The following RFT1 variants were observed in gnomAD, a reference collection of about 807,000 sequenced individuals.
RFT1 encodes the protein RFT1 glycolipid translocator homolog.
RFT1 carries 43 observed loss-of-function variants against 62.2 expected under a neutral mutation model. The observed-to-expected ratio is 0.69, with a 90% CI of 0.54 to 0.89. The LOEUF (loss-of-function observed/expected upper bound fraction) is 0.89. Among genes scored for constraint, RFT1 ranks in the 40% least tolerant of loss-of-function variants. RFT1 has a pLI of 0.00. For synonymous variants in RFT1, 262 were observed against 264.6 expected, an observed-to-expected ratio of 0.99 and a Z score of 0.10; for missense variants, 605 against 649.9, an observed-to-expected ratio of 0.93 and a Z score of 0.75.
intron 7 of RFT1, 141 bp from the exon 8 acceptor site, chr3:53,107,010 C>T: frequency 5.9e-6 from 4 of 676,100 alleles, no homozygotes; most frequent in Non-Finnish European, 1.1e-5. Context: ...TGTCCTTGTC[C>T]TAATGTTGAT....
chr3:53,090,591 C>A lies in RFT1; in HGVS notation c.*1312G>T, dbSNP rs776509712. 1 of 152,092 alleles carries A rather than the reference C, an allele frequency of 6.6e-6. No homozygotes were observed. The highest frequency in any genetic ancestry group is 1.5e-5 in the Non-Finnish European group (1 of 68,032). The allele number at this position is 152,092 out of a possible 1,614,324, so 9.4% of individuals were successfully genotyped here. A position where few individuals can be genotyped will look rare whatever the true frequency, so the allele number is the denominator to read the frequency against. On this transcript the variant is annotated 3_prime_UTR_variant, in exon 13 of 13. Coordinates refer to ENST00000296292, the MANE Select transcript of RFT1 (RefSeq NM_052859.4). The stretch of plus-strand genomic sequence containing the variant: ...TTAGCCCCTGGGTACTGGCTCTGGG[C>A]AAGCAGATTTAAATACATGCATTTT...
rs76201348 is a variant in RFT1, at chr3:53,127,518, G to A, written c.64-1524C>T. On this transcript the variant is annotated intron_variant, in intron 1 of 12. Transcript: ENST00000296292. ...AGATCGAGACCATCCTGCCTCACAC[G>A]GTGAAACCCCGCCTCTCCTAAAAAT... 1.4e-4 allele frequency among the ~76,000 whole-genome samples: 21 copies of A among 152,174 alleles called. No individual in the cohort carries two copies. The East Asian group carries it at 2.1e-3, about 15-fold the overall frequency.
At chr3:53,073,062 A>C in the RFT1 span, among the ~76,000 whole-genome samples, 1 of 152,192 alleles carries the variant, frequency 6.6e-6, no homozygotes, top group Admixed American at 6.5e-5. Context: ...GTGAGCCCCC[A>C]GCCCGTGGGG....
Position 53,092,624 on chromosome 3 carries a change from G to A in RFT1, c.1209-6C>T, listed in dbSNP as rs543699868. The stretch of plus-strand genomic sequence containing the variant: ...CCAGCATCACAAAATTGTACCTGGG[G>A]AGGAGACAGGAAAAGGAGGGCAGTG... On this transcript the variant is annotated splice_region_variant and splice_polypyrimidine_tract_variant and intron_variant, in intron 11 of 12. Coordinates refer to ENST00000296292, the MANE Select transcript of RFT1 (RefSeq NM_052859.4). 127 of 1,609,500 alleles carry A rather than the reference G, an allele frequency of 7.9e-5. 1 individual carries two copies. The highest frequency in any genetic ancestry group is 1.6e-4 in the Middle Eastern group (1 of 6,072).
the RFT1 span, among the ~76,000 whole-genome samples, chr3:53,083,134 G>C: frequency 1.4e-4 from 21 of 149,286 alleles, no homozygotes; most frequent in African/African-American, 4.0e-4. Context: ...CTGGGAGGCA[G>C]AGGTTGCAGT....
At chr3:53,112,757 A>C (rs1052995766) in intron 6 of RFT1, among the ~76,000 whole-genome samples, 1 of 152,160 alleles carries the variant, frequency 6.6e-6, no homozygotes, top group South Asian at 2.1e-4. Context: ...ATAAATAAAT[A>C]AATAAAACTC....
At position 53,090,217 on chromosome 3, in the gene RFT1, G is replaced by A. The variant is rs577503428; in HGVS notation, c.*1686C>T. The A allele has an allele frequency of 6.5e-6, 1 of 152,954 alleles. No homozygotes were observed. The highest frequency in any genetic ancestry group is 1.9e-4 in the East Asian group (1 of 5,174). 9.5% of individuals were successfully genotyped at this position (152,954 alleles called of 1,614,324 possible). ...TCTGGGGTCAGGTGGGCACGGGATA[G>A]GTGCAGGGTTCCGGGAGGGTGATCA... On this transcript the variant is annotated 3_prime_UTR_variant, in exon 13 of 13. Coordinates refer to ENST00000296292, the MANE Select transcript of RFT1 (RefSeq NM_052859.4).
chr3:53,094,359 A>G (rs1165261085), intron 11 of RFT1, among the ~76,000 whole-genome samples: 3,068 of 45,882 alleles, frequency 0.067, 87 homozygotes, highest in African/African-American at 0.11. Flanking sequence ...ACGCACACAC[A>G]CACACACACA....
chr3:53,097,566 A>G (rs1429943705), intron 11 of RFT1, among the ~76,000 whole-genome samples: 3 of 152,252 alleles, frequency 2.0e-5, no homozygotes, highest in Non-Finnish European at 2.9e-5. Flanking sequence ...AATATAAGAG[A>G]AAAGAAAGCA....
intron 10 of RFT1, among the ~76,000 whole-genome samples, chr3:53,100,478 C>A (rs1444126621): frequency 6.6e-6 from 1 of 152,154 alleles, no homozygotes; most frequent in African/African-American, 2.4e-5. Context: ...AAAACACTTA[C>A]ACAAAAGCAT....
the RFT1 span, among the ~76,000 whole-genome samples, chr3:53,079,475 T>C: frequency 6.6e-6 from 1 of 152,126 alleles, no homozygotes; most frequent in Non-Finnish European, 1.5e-5. Context: ...GGCTCACATG[T>C]GTAATCCCAG....
intron 10 of RFT1, among the ~76,000 whole-genome samples, chr3:53,102,305 A>G (rs965834252): frequency 2.6e-4 from 39 of 152,204 alleles, no homozygotes; most frequent in African/African-American, 8.7e-4. Flanking sequence ...TCCAGAACTG[A>G]CGGACAATAT....
intron 6 of RFT1, among the ~76,000 whole-genome samples, chr3:53,113,778 C>T (rs1701716591): frequency 6.6e-6 from 1 of 152,090 alleles, no homozygotes; most frequent in Non-Finnish European, 1.5e-5. Context: ...TAGCCATATT[C>T]CAGAATGCTC....
At position 53,120,025 on chromosome 3, in the gene RFT1, A is replaced by AG; in HGVS notation, c.559-5dup. The stretch of plus-strand genomic sequence containing the variant: ...CCAGAACTGTGGTATAGAAAAGCTG[A>AG]GAAAAAAAATAAACTGTTTTAATAA... On this transcript the variant is annotated splice_region_variant and splice_polypyrimidine_tract_variant and intron_variant, in intron 5 of 12. Transcript: ENST00000296292. The AG allele has an allele frequency of 6.3e-7, 1 of 1,588,042 alleles. No individual in the cohort carries two copies. The highest frequency in any genetic ancestry group is 2.2e-5 in the East Asian group (1 of 44,676).
At chr3:53,083,355 TTA>T in the RFT1 span, among the ~76,000 whole-genome samples, 53 of 96,584 alleles carry the variant, frequency 5.5e-4, 2 homozygotes, top group South Asian at 0.017. Context: ...CTACTAAAAA[TTA>T]AAAAAAAAAA....
chr3:53,105,249 A>G (rs572984674), intron 9 of RFT1, among the ~76,000 whole-genome samples: 1 of 152,216 alleles, frequency 6.6e-6, no homozygotes, highest in Non-Finnish European at 1.5e-5. Flanking sequence ...CCCCATCTCT[A>G]CTAAAAATAC....
chr3:53,119,773 G>A, intron 6 of RFT1, 111 bp downstream of exon 6: 3 of 1,032,208 alleles, frequency 2.9e-6, no homozygotes, highest in Non-Finnish European at 2.9e-6. Flanking sequence ...ATAAATATGA[G>A]CTATAAAATT....
At chr3:53,082,808 G>C in the RFT1 span, among the ~76,000 whole-genome samples, 2 of 152,308 alleles carry the variant, frequency 1.3e-5, no homozygotes, top group African/African-American at 4.8e-5. Flanking sequence ...TTGGGTGGGG[G>C]TGGGGAAGTA....
At chr3:53,097,715 A>C (rs1267323997) in intron 11 of RFT1, among the ~76,000 whole-genome samples, 1 of 152,276 alleles carries the variant, frequency 6.6e-6, no homozygotes, top group Non-Finnish European at 1.5e-5. Context: ...ATACACTCCT[A>C]GTCCTGCTCT....
Sources: allele counts gnomAD v4.1 joint callset (sites outside exome capture counted in the v4.1 genomes callset), GRCh38; gene constraint gnomAD v4.1.1; transcripts MANE v1.5; gene names NCBI Gene and HGNC (gene_info 2026-07-23, HGNC 2026-07-21).